Variants in MAP3K15 observed in about 807,000 individuals in gnomAD.
MAP3K15 encodes MAPK/ERK kinase kinase 15.
Under a neutral mutation model 99.5 loss-of-function variants are expected in MAP3K15, and 124 were observed. That is an observed-to-expected ratio of 1.25 (90% CI 1.08 to 1.45). MAP3K15 has a LOEUF of 1.45. Among genes scored for constraint, MAP3K15 ranks in the 40% most tolerant of loss-of-function variants. The pLI is 0.00. For synonymous variants in MAP3K15, 494 were observed against 439.6 expected (o/e 1.12, Z -1.55); for missense variants, 1,242 against 1,079.7 (o/e 1.15, Z -2.11).
intron 1 of MAP3K15, among the ~76,000 whole-genome samples, chrX:19,502,573 C>CT (rs1469472583): frequency 8.9e-6 from 1 of 111,929 alleles, no homozygotes; most frequent in Non-Finnish European, 1.9e-5. Context: ...AATCCCAACA[C>CT]TTTGGGGGGC....
At chrX:19,373,244 A>G (rs2063390785) in intron 21 of MAP3K15, 1 of 202,650 alleles carries the variant, frequency 4.9e-6, no homozygotes, top group African/African-American at 4.7e-5. Flanking sequence ...GGGGAGAGAG[A>G]GGGGGAAGAG....
At chrX:19,441,472 A>G (rs1407033456) in intron 6 of MAP3K15, among the ~76,000 whole-genome samples, 1 of 111,260 alleles carries the variant, frequency 9.0e-6, no homozygotes, top group African/African-American at 3.3e-5. Flanking sequence ...TACACTTTAA[A>G]TGGGTTGTTT....
chrX:19,364,893 CAAAA>C (rs781622051), intron 25 of MAP3K15, among the ~76,000 whole-genome samples: 3 of 38,479 alleles, frequency 7.8e-5, no homozygotes, highest in African/African-American at 1.0e-4. Context: ...AACTCTGTCT[CAAAA>C]AAAAAAAAAA....
chrX:19,468,928 G>A (rs951534783), intron 3 of MAP3K15, among the ~76,000 whole-genome samples: 14 of 111,411 alleles, frequency 1.3e-4, no homozygotes, highest in Non-Finnish European at 2.3e-4. Flanking sequence ...TGTTATTGGC[G>A]TATAAGAATG....
chrX:19,486,125 G>C, intron 3 of MAP3K15, among the ~76,000 whole-genome samples: 1 of 111,368 alleles, frequency 9.0e-6, no homozygotes, highest in Middle Eastern at 4.6e-3. Context: ...CTCTGCTTGG[G>C]AAGTATGGGA....
At chrX:19,369,000 C>T (rs758217914) in intron 25 of MAP3K15, 54 bp downstream of exon 25, 1 of 1,104,769 alleles carries the variant, frequency 9.1e-7, no homozygotes, top group African/African-American at 1.9e-5. Context: ...ATCTTGGTGG[C>T]TCAGGCCACT....
intron 4 of MAP3K15, among the ~76,000 whole-genome samples, chrX:19,462,299 G>GA (rs1361066480): frequency 1.8e-5 from 2 of 111,877 alleles, no homozygotes; most frequent in African/African-American, 6.5e-5. Flanking sequence ...GGTTCTGATA[G>GA]AAAAATATCA....
intron 1 of MAP3K15, among the ~76,000 whole-genome samples, chrX:19,494,704 G>C (rs964276345): frequency 4.6e-5 from 5 of 109,674 alleles, no homozygotes; most frequent in African/African-American, 1.7e-4. Context: ...TATATACCAG[G>C]TTATCCTTAA....
At chrX:19,436,177 G>GA (rs375685534) in intron 6 of MAP3K15, among the ~76,000 whole-genome samples, 3 of 104,519 alleles carry the variant, frequency 2.9e-5, no homozygotes, top group African/African-American at 3.5e-5. Context: ...AAGAAAGAAA[G>GA]AAAAAAAAAA....
chrX:19,388,590 T>A (rs896235537), intron 18 of MAP3K15, among the ~76,000 whole-genome samples: 7 of 112,231 alleles, frequency 6.2e-5, no homozygotes, highest in African/African-American at 2.3e-4. Flanking sequence ...ACTTCATCAG[T>A]AACTCACTTT....
chrX:19,413,368 G>A lies in MAP3K15; in HGVS notation c.1687C>T (p.Pro563Ser), dbSNP rs1181417477. 3.3e-6 allele frequency: 4 copies of A among 1,195,368 alleles called. No homozygotes were observed. Among genetic ancestry groups the A allele is most frequent in the Non-Finnish European group, 4.5e-6 (4 of 883,486 alleles). Residue 563 changes from proline to serine, a missense_variant, in exon 11 of 29, where the codon CCC (proline) becomes TCC (serine). Pro to Ser is a moderately conservative substitution (Grantham distance 74). Coordinates refer to ENST00000338883, the MANE Select transcript of MAP3K15 (RefSeq NM_001001671.4). Reference protein sequence around the residue: ...ERTVSLWHVSPTEMKQMHEWN... With the variant: ...ERTVSLWHVSSTEMKQMHEWN... The stretch of plus-strand genomic sequence containing the variant: ...TTTTTCCTCCTTACCATTTCTGTGG[G>A]TGAGACATGCCATAAAGAAACTGTT...
In MAP3K15 at chrX:19,361,332, C is replaced by A; in HGVS notation, c.3857+7G>T. 4.2e-6 allele frequency: 5 copies of A among 1,189,361 alleles called. No homozygotes were observed. Among genetic ancestry groups the A allele is most frequent in the Non-Finnish European group, 5.7e-6 (5 of 877,158 alleles). On this transcript the variant is annotated splice_region_variant and intron_variant, in intron 28 of 28. Coordinates refer to ENST00000338883, the MANE Select transcript of MAP3K15 (RefSeq NM_001001671.4). ...TTCTCTTATACAAACTGTTTTGAGG[C>A]TCTTACCGTAGTCGAAGGTATCTTA...
At chrX:19,400,687 A>G (rs1230380203) in intron 13 of MAP3K15, 24 bp from the exon 14 acceptor site, 4 of 1,061,576 alleles carry the variant, frequency 3.8e-6, no homozygotes, top group Non-Finnish European at 5.2e-6. Flanking sequence ...TGTCACAAAT[A>G]CGTTGCCAAC....
chrX:19,434,485 G>A lies in MAP3K15; in HGVS notation c.996-2877C>T, dbSNP rs1400683540. Among the ~76,000 whole-genome samples the A allele has an allele frequency of 3.7e-5, 4 of 108,298 alleles. No homozygotes were observed. In the Admixed American group the frequency reaches 4.0e-4, roughly 11 times the overall value. 94.0% of individuals were successfully genotyped at this position (108,298 alleles called of 115,157 possible). A position where few individuals can be genotyped will look rare whatever the true frequency, so the allele number is the denominator to read the frequency against. ...ACTCATGATCTCAGGTGATCCACCCGCCTCGGCCTCCCAAAGTGCTGGGAT... is the reference window on the plus strand; with the variant it reads ...ACTCATGATCTCAGGTGATCCACCCACCTCGGCCTCCCAAAGTGCTGGGAT... On this transcript the variant is annotated intron_variant, in intron 6 of 28. Coordinates refer to ENST00000338883, the MANE Select transcript of MAP3K15 (RefSeq NM_001001671.4).
intron 19 of MAP3K15, chrX:19,376,852 A>G (rs1185969694): frequency 4.6e-5 from 5 of 108,162 alleles, no homozygotes; most frequent in Non-Finnish European, 9.6e-5. Flanking sequence ...CCCCACTCCC[A>G]CTGTTTCACT....
At position 19,464,115 on chromosome X, in the gene MAP3K15, C is replaced by A. The variant is rs762291993; in HGVS notation, c.719+98G>T. The stretch of plus-strand genomic sequence containing the variant: ...CCAGTAAGGGACAATAGTGGGTTCT[C>A]CAGCAACTCTGTTCATTTGAAGGTG... On this transcript the variant is annotated intron_variant, in intron 4 of 28. Transcript: ENST00000338883. 4 of 745,860 alleles carry A rather than the reference C, an allele frequency of 5.4e-6. No homozygotes were observed. In the Admixed American group the frequency reaches 9.5e-5, roughly 18 times the overall value. The allele number at this position is 745,860 out of a possible 1,213,427, so 61.5% of individuals were successfully genotyped here.
intron 9 of MAP3K15, among the ~76,000 whole-genome samples, chrX:19,421,645 C>CTG (rs2063786438): frequency 1.1e-5 from 1 of 90,075 alleles, no homozygotes; most frequent in Non-Finnish European, 2.0e-5. Flanking sequence ...CATCAAGCTA[C>CTG]CAATGACTTT....
intron 6 of MAP3K15, among the ~76,000 whole-genome samples, chrX:19,437,457 C>T (rs776444778): frequency 3.6e-5 from 4 of 111,648 alleles, no homozygotes; most frequent in African/African-American, 6.5e-5. Flanking sequence ...GCTCCAGCTA[C>T]ACAAGCTTCC....
chrX:19,488,414 T>C (rs2064344025), intron 2 of MAP3K15, among the ~76,000 whole-genome samples: 5 of 112,190 alleles, frequency 4.5e-5, no homozygotes, highest in African/African-American at 1.3e-4. Context: ...AACTGTTCAA[T>C]GTCTTCATAT....
Sources: gnomAD v4.1 joint callset for allele counts (sites outside exome capture counted in the v4.1 genomes callset) on GRCh38, gnomAD v4.1.1 for gene constraint, MANE v1.5 for transcripts, NCBI Gene and HGNC (gene_info 2026-07-23, HGNC 2026-07-21) for gene names.